Variants in SPNS2 observed in about 807,000 individuals in gnomAD.
SPNS2 encodes the protein sphingosine-1-phosphate transporter SPNS2.
In SPNS2, 37 loss-of-function variants were observed where a neutral mutation model predicts 57.6. That is an observed-to-expected ratio of 0.64 (90% confidence interval 0.49 to 0.85). SPNS2 has a LOEUF of 0.85. Ranked by LOEUF, SPNS2 falls within the 40% of genes least tolerant of loss-of-function variation. The probability of loss-of-function intolerance (pLI) is 0.00; values close to 1 mark genes in which losing one functional copy is unlikely to be tolerated. For missense variants in SPNS2, 831 were observed against 779.1 expected, an observed-to-expected ratio of 1.07 and a Z score of -0.79; for synonymous variants, 440 against 346.9, an observed-to-expected ratio of 1.27 and a Z score of -2.98.
In SPNS2 at chr17:4,538,978, T is replaced by G; in HGVS notation, c.*1530T>G. On this transcript the variant is annotated 3_prime_UTR_variant, in exon 13 of 13. Transcript: ENST00000329078. ...CTGCTGATTGTGAATCTCAGAGTCT[T>G]AAGAGAGAAGCCAAATATATTCCTC... 1.3e-6 allele frequency: 1 copy of G among 798,458 alleles called. No homozygotes were observed. Among genetic ancestry groups the G allele is most frequent in the Non-Finnish European group, 2.3e-6 (1 of 434,072 alleles). 49.5% of individuals were successfully genotyped at this position (798,458 alleles called of 1,614,324 possible).
intron 9 of SPNS2, 123 bp downstream of exon 9, chr17:4,533,976 C>T (rs545520760): frequency 2.2e-5 from 21 of 945,282 alleles, no homozygotes; most frequent in Middle Eastern, 2.7e-4. Flanking sequence ...CTGCCAGGAA[C>T]GTGAACCCAG....
At chr17:4,500,115 G>A (rs1904433710) in intron 1 of SPNS2, among the ~76,000 whole-genome samples, 1 of 152,196 alleles carries the variant, frequency 6.6e-6, no homozygotes, top group Non-Finnish European at 1.5e-5. Flanking sequence ...TGGGGTGTAG[G>A]GTAGGGCGCA....
chr17:4,537,920 G>A lies in SPNS2; in HGVS notation c.*472G>A, dbSNP rs931561712. On this transcript the variant is annotated 3_prime_UTR_variant, in exon 13 of 13. Coordinates refer to ENST00000329078, the MANE Select transcript of SPNS2 (RefSeq NM_001124758.3). ...GGAGAGCAGGTGGCCCAGGCCTCAG[G>A]GCGGCAGTCCCGGCTTTGAGGCTCA... The A allele has an allele frequency of 2.5e-6, 1 of 401,370 alleles. No homozygotes were observed. Among genetic ancestry groups the A allele is most frequent in the Non-Finnish European group, 5.1e-6 (1 of 195,764 alleles). The allele number at this position is 401,370 out of a possible 1,614,324, so 24.9% of individuals were successfully genotyped here.
chr17:4,505,723 G>A (rs1242400265), intron 1 of SPNS2, among the ~76,000 whole-genome samples: 11 of 152,232 alleles, frequency 7.2e-5, no homozygotes, highest in Admixed American at 7.2e-4. Flanking sequence ...TGGGGCCACA[G>A]GGGAGAGGAG....
chr17:4,529,543 G>A (rs1227279820), intron 3 of SPNS2, among the ~76,000 whole-genome samples: 1 of 152,122 alleles, frequency 6.6e-6, no homozygotes, highest in Non-Finnish European at 1.5e-5. Flanking sequence ...GTGGTGTCGG[G>A]TGCCTATAAT....
At chr17:4,517,877 C>G (rs543340886) in intron 2 of SPNS2, among the ~76,000 whole-genome samples, 5 of 152,104 alleles carry the variant, frequency 3.3e-5, no homozygotes, top group African/African-American at 7.2e-5. Flanking sequence ...TCGAAAATAC[C>G]AGAAGTGAAA....
chr17:4,536,192 GGGGCTGGCCAGGGC>G lies in SPNS2; in HGVS notation c.1443+19_1443+32del. The G allele has an allele frequency of 6.2e-7, 1 of 1,608,864 alleles. No individual in the cohort carries two copies. Among genetic ancestry groups the G allele is most frequent in the Non-Finnish European group, 8.5e-7 (1 of 1,178,302 alleles). On this transcript the variant is annotated intron_variant, in intron 10 of 12. Coordinates refer to ENST00000329078, the MANE Select transcript of SPNS2 (RefSeq NM_001124758.3). The stretch of plus-strand genomic sequence containing the variant: ...TTGGCTTTGTGAGTAGCCCCGGGGT[GGGGCTGGCCAGGGC>G]AGGCTGGGGGACTGCAGGAGGGCTC...
intron 2 of SPNS2, among the ~76,000 whole-genome samples, chr17:4,516,244 G>T (rs1447818998): frequency 6.6e-6 from 1 of 150,506 alleles, no homozygotes; most frequent in Non-Finnish European, 1.5e-5. Context: ...AAGCCAGGAG[G>T]CGGAGATTGC....
At chr17:4,503,384 C>T (rs1302237486) in intron 1 of SPNS2, among the ~76,000 whole-genome samples, 1 of 152,210 alleles carries the variant, frequency 6.6e-6, no homozygotes, top group Non-Finnish European at 1.5e-5. Context: ...TAGCAGCCAC[C>T]CACTCTGCAT....
Position 4,537,735 on chromosome 17 carries a change from G to A in SPNS2, c.*287G>A. ...GCCAAGGAAGAAGACAGCCCCAAGTGGGTGTCCGGGGAGAGCCTGGCCTGC... is the reference window on the plus strand; with the variant it reads ...GCCAAGGAAGAAGACAGCCCCAAGTAGGTGTCCGGGGAGAGCCTGGCCTGC... On this transcript the variant is annotated 3_prime_UTR_variant, in exon 13 of 13. Transcript: ENST00000329078. The A allele has an allele frequency of 1.3e-5, 6 of 456,724 alleles. No individual in the cohort carries two copies. The highest frequency in any genetic ancestry group is 9.3e-5 in the South Asian group (6 of 64,576). 28.3% of individuals were successfully genotyped at this position (456,724 alleles called of 1,614,324 possible). A position where few individuals can be genotyped will look rare whatever the true frequency, so the allele number is the denominator to read the frequency against.
In SPNS2 at chr17:4,532,640, G is replaced by A. The variant is rs1191603327; in HGVS notation, c.891G>A (p.Lys297=). The change falls in exon 6 of 13, where the codon AAG becomes AAA. Residue 297 remains lysine, a synonymous_variant. Transcript: ENST00000329078. ...GHADQLGDQL[K]ARTSWLRDMK... is the part of the protein sequence containing the mutation. Reference sequence around the variant, plus strand: ...CCGACCAGCTCGGGGACCAGCTCAAGGCCCGGACCTCATGGCTCCGAGATA... The same window carrying A: ...CCGACCAGCTCGGGGACCAGCTCAAAGCCCGGACCTCATGGCTCCGAGATA... 1 of 1,613,978 alleles carries A rather than the reference G, an allele frequency of 6.2e-7. No individual in the cohort carries two copies. Among genetic ancestry groups the A allele is most frequent in the South Asian group, 1.1e-5 (1 of 91,080 alleles).
intron 2 of SPNS2, among the ~76,000 whole-genome samples, chr17:4,524,227 T>A (rs1027752355): frequency 7.9e-5 from 12 of 152,104 alleles, no homozygotes; most frequent in Non-Finnish European, 1.6e-4. Flanking sequence ...TGGTAAAGTA[T>A]AAGGAACACA....
intron 9 of SPNS2, among the ~76,000 whole-genome samples, chr17:4,534,160 G>T (rs919534330): frequency 1.3e-5 from 2 of 152,192 alleles, no homozygotes; most frequent in Non-Finnish European, 2.9e-5. Context: ...GGCGCTGCCT[G>T]CCCGCCCTCC....
intron 5 of SPNS2, among the ~76,000 whole-genome samples, chr17:4,532,168 GTCCATCTA>G (rs903639055): frequency 3.7e-5 from 5 of 134,536 alleles, no homozygotes; most frequent in Middle Eastern, 3.8e-3. Flanking sequence ...CTGTCCATCT[GTCCATCTA>G]TCCGTCCATC....
At chr17:4,533,748 G>A (rs750710096) in intron 8 of SPNS2, 40 bp from the exon 9 acceptor site, 7 of 1,609,856 alleles carry the variant, frequency 4.3e-6, no homozygotes, top group Non-Finnish European at 5.9e-6. Flanking sequence ...TGCTGCGGAT[G>A]GAGGGACCGC....
chr17:4,511,845 G>A lies in SPNS2; in HGVS notation c.371-1402G>A, dbSNP rs1200284132. Among the ~76,000 whole-genome samples, 2 of 152,166 alleles carry A rather than the reference G, an allele frequency of 1.3e-5. No homozygotes were observed. Among genetic ancestry groups the A allele is most frequent in the African/African-American group, 4.8e-5 (2 of 41,446 alleles). On this transcript the variant is annotated intron_variant, in intron 1 of 12. Coordinates refer to ENST00000329078, the MANE Select transcript of SPNS2 (RefSeq NM_001124758.3). This position sits in a 1 kb window ranked among gnomAD's most constrained non-coding sequence, Gnocchi z 4.6. The stretch of plus-strand genomic sequence containing the variant: ...TGCTCAGGATTCCAACCTGGGTCTC[G>A]GAAGGGACAGTGACGTTCCAGCCTC...
chr17:4,533,945 AG>A, intron 9 of SPNS2, 92 bp downstream of exon 9: 1 of 1,134,808 alleles, frequency 8.8e-7, no homozygotes, highest in East Asian at 2.4e-5. Flanking sequence ...AAGGGGCGGG[AG>A]AGCTGGTAGG....
At position 4,499,664 on chromosome 17, in the gene SPNS2, C is replaced by T. The variant is rs1904405731; in HGVS notation, c.370+247C>T. ...GATAGAGGAGTCCCCACCCCTGGAG[C>T]AGCCCGCGCGTCCTCTCCAGCCCTT... is the stretch of plus-strand genomic sequence containing the variant. On this transcript the variant is annotated intron_variant, in intron 1 of 12. Coordinates refer to ENST00000329078, the MANE Select transcript of SPNS2 (RefSeq NM_001124758.3). This position sits in a 1 kb window ranked among gnomAD's most constrained non-coding sequence, Gnocchi z 5.2. 2.5e-5 allele frequency: 9 copies of T among 355,072 alleles called. No individual in the cohort carries two copies. The highest frequency in any genetic ancestry group is 4.5e-5 in the Non-Finnish European group (9 of 197,902). The allele number at this position is 355,072 out of a possible 1,614,324, so 22.0% of individuals were successfully genotyped here.
chr17:4,521,892 T>C (rs1348284666), intron 2 of SPNS2, among the ~76,000 whole-genome samples: 2 of 152,124 alleles, frequency 1.3e-5, no homozygotes, highest in Non-Finnish European at 2.9e-5. Context: ...GGCGGAGTGT[T>C]TACACCACAG....
Sources: gnomAD v4.1 joint callset for allele counts (sites outside exome capture counted in the v4.1 genomes callset) on GRCh38, gnomAD v4.1.1 for gene constraint, Gnocchi (gnomAD v3.1) non-coding constraint, MANE v1.5 for transcripts, NCBI Gene and HGNC (gene_info 2026-07-23, HGNC 2026-07-21) for gene names.